Variants in SPTBN2 observed in about 807,000 individuals in gnomAD.
The protein encoded by SPTBN2 is spectrin beta chain, non-erythrocytic 2.
In SPTBN2, 107 loss-of-function variants were observed where a neutral mutation model predicts 284.2. The ratio of observed to expected loss-of-function variants is 0.38; its 90% confidence interval spans 0.32 to 0.44. SPTBN2 has a LOEUF of 0.44. Ranked by LOEUF, SPTBN2 falls within the 20% of genes least tolerant of loss-of-function variation. The pLI is 1.00. For missense variants in SPTBN2, 2,569 were observed against 3,287.1 expected (o/e 0.78, Z 5.34); for synonymous variants, 1,289 against 1,354.8 (o/e 0.95, Z 1.07).
At chr11:66,692,848 C>T in intron 25 of SPTBN2, 108 bp from the exon 26 acceptor site, 9 of 1,595,492 alleles carry the variant, frequency 5.6e-6, no homozygotes, top group Non-Finnish European at 7.6e-6. Context: ...CTCGCCCACC[C>T]TGTGTTCCAG....
At position 66,728,608 on chromosome 11, in the gene SPTBN2, C is replaced by G. The variant is rs183348339; in HGVS notation, c.-114+133G>C. On this transcript the variant is annotated intron_variant, in intron 1 of 37. Transcript: ENST00000533211. The stretch of plus-strand genomic sequence containing the variant: ...CCTCGGGGCGAACGCGGCAGCAGCT[C>G]CGAGGCCGGCTGCCGACCCCCAGCC... 5.9e-5 allele frequency: 9 copies of G among 152,012 alleles called. No homozygotes were observed. In the East Asian group the frequency reaches 1.8e-3, roughly 30 times the overall value. The allele number at this position is 152,012 out of a possible 1,614,324, so 9.4% of individuals were successfully genotyped here. A position where few individuals can be genotyped will look rare whatever the true frequency, so the allele number is the denominator to read the frequency against.
chr11:66,741,915 G>C (rs1196872566), intron 1 of SPTBN2, among the ~76,000 whole-genome samples: 1 of 152,042 alleles, frequency 6.6e-6, no homozygotes. Context: ...TCCAACTCGA[G>C]GGGCTCGAGA....
intron 3 of SPTBN2, among the ~76,000 whole-genome samples, chr11:66,720,668 A>G (rs1186418623): frequency 6.6e-6 from 1 of 152,170 alleles, no homozygotes; most frequent in Non-Finnish European, 1.5e-5. Context: ...GCAGAGGGGA[A>G]TAATAGACTG....
chr11:66,728,955 A>G lies in SPTBN2; in HGVS notation c.-328T>C, dbSNP rs1042614389. The G allele has an allele frequency of 1.3e-5, 2 of 152,508 alleles. No homozygotes were observed. Among genetic ancestry groups the G allele is most frequent in the African/African-American group, 4.8e-5 (2 of 41,410 alleles). The allele number at this position is 152,508 out of a possible 1,614,324, so 9.4% of individuals were successfully genotyped here. On this transcript the variant is annotated 5_prime_UTR_variant, in exon 1 of 38. Coordinates refer to ENST00000533211, the MANE Select transcript of SPTBN2 (RefSeq NM_006946.4). ...AGCTGGGCCGGCTCTCCCTCCCAGA[A>G]CATCTCCATGGCACAGTGAAGATTC...
At position 66,737,942 on chromosome 11, in the gene SPTBN2, C is replaced by T. The variant is rs550873485; in HGVS notation, c.-475+6600G>A. ...GATTTCTTCTAATTTAGGCCGGGTA[C>T]GGTGGCTCACGCCTGTAATCCCAGC... is the stretch of plus-strand genomic sequence containing the variant. On this transcript the variant is annotated intron_variant, in intron 1 of 37. Coordinates refer to the SPTBN2 transcript ENST00000611817. 1.2e-4 allele frequency among the ~76,000 whole-genome samples: 18 copies of T among 152,196 alleles called. No individual in the cohort carries two copies. The South Asian group carries it at 3.5e-3, about 30-fold the overall frequency.
chr11:66,736,708 G>A (rs1942852863), intron 1 of SPTBN2, among the ~76,000 whole-genome samples: 1 of 152,170 alleles, frequency 6.6e-6, no homozygotes, highest in African/African-American at 2.4e-5. Flanking sequence ...GAAGGCTTCG[G>A]GGTTCCTCAG....
At position 66,685,980 on chromosome 11, in the gene SPTBN2, A is replaced by C; in HGVS notation, c.7064T>G (p.Met2355Arg). 1 of 1,613,868 alleles carries C rather than the reference A, an allele frequency of 6.2e-7. No homozygotes were observed. The highest frequency in any genetic ancestry group is 8.5e-7 in the Non-Finnish European group (1 of 1,180,000). ...TTRGMTRAMT[M>R]PPVSPVGAEG... ...AGCCCCGACGGGTGACACTGGGGGC[A>C]TGGTCATGGCCCGGGTCATGCCCCG... is the stretch of plus-strand genomic sequence containing the variant. Residue 2355 changes from methionine to arginine, a missense_variant, in exon 38 of 38, where the codon ATG becomes AGG. By Grantham distance (91) the Met-to-Arg change is moderately conservative. Around this residue, in one of 6 missense-constraint regions of SPTBN2, gnomAD observed 1,130 missense variants for 1,317.3 expected, o/e 0.86. Coordinates refer to ENST00000533211, the MANE Select transcript of SPTBN2 (RefSeq NM_006946.4). This position sits in a 1 kb window ranked among gnomAD's most constrained non-coding sequence, Gnocchi z 4.4.
chr11:66,719,328 C>A (rs1279901867), intron 3 of SPTBN2, among the ~76,000 whole-genome samples: 1 of 152,264 alleles, frequency 6.6e-6, no homozygotes, highest in African/African-American at 2.4e-5. Context: ...GCCATCCCTG[C>A]CCCCAGACGC....
chr11:66,701,044 T>C lies in SPTBN2; in HGVS notation c.3055A>G (p.Thr1019Ala). The change falls in exon 17 of 38, where the codon ACT becomes GCT. Residue 1019 changes from threonine to alanine, a missense_variant. Transcript: ENST00000533211. ...GCAGCCAGGGCATTTGCCTCTCGAG[T>C]CAGTTCGCCCACCCGGGCGGCGATG... is the stretch of plus-strand genomic sequence containing the variant. ...EAIAARVGEL[T>A]REANALAAGH... The C allele has an allele frequency of 6.2e-7, 1 of 1,609,422 alleles. No homozygotes were observed. Among genetic ancestry groups the C allele is most frequent in the South Asian group, 1.1e-5 (1 of 91,058 alleles).
rs765956006 is a variant in SPTBN2, at chr11:66,711,047, T to C, written c.773-18A>G. On this transcript the variant is annotated intron_variant, in intron 8 of 37. Coordinates refer to ENST00000533211, the MANE Select transcript of SPTBN2 (RefSeq NM_006946.4). ...ATTCACGTCTGCAAGAGAGGACCAT[T>C]TGGGTCAGGCCTCCCAGAAGTTCAT... The C allele has an allele frequency of 1.4e-5, 23 of 1,607,696 alleles. No homozygotes were observed. Among genetic ancestry groups the C allele is most frequent in the Non-Finnish European group, 2.0e-5 (23 of 1,174,328 alleles).
Position 66,696,496 on chromosome 11 carries a change from C to G in SPTBN2, c.4059G>C (p.Leu1353=). Residue 1353 remains leucine, a synonymous_variant, in exon 21 of 38, where the codon CTG becomes CTC. Transcript: ENST00000533211. ...LTLEKPELKA[L]VSEKLRDLHR... ...GCAGGTCTCTCAGCTTCTCCGACAC[C>G]AGGGCTTTCAGCTCTGGCTTCTCAA... 1.9e-6 allele frequency: 3 copies of G among 1,612,206 alleles called. No individual in the cohort carries two copies. Among genetic ancestry groups the G allele is most frequent in the Middle Eastern group, 3.3e-4 (2 of 6,062 alleles).
chr11:66,725,551 TGAG>T (rs1407789818), intron 1 of SPTBN2, among the ~76,000 whole-genome samples: 1,647 of 152,350 alleles, frequency 0.011, 36 homozygotes, highest in African/African-American at 0.037. Context: ...CCCCCTGTCA[TGAG>T]GAAGCTGGAG....
In SPTBN2 at chr11:66,687,637, G is replaced by C; in HGVS notation, c.6512C>G (p.Ser2171Ter). The C allele has an allele frequency of 6.3e-7, 1 of 1,596,698 alleles. No individual in the cohort carries two copies. The highest frequency in any genetic ancestry group is 8.5e-7 in the Non-Finnish European group (1 of 1,171,580). The change falls in exon 35 of 38, where the codon TCA (serine) becomes TGA (stop). Residue 2171 changes from serine (S) to a stop codon, truncating the protein, a stop_gained. Coordinates refer to ENST00000533211, the MANE Select transcript of SPTBN2 (RefSeq NM_006946.4). LOFTEE classifies it high-confidence loss of function. This position sits in a 1 kb window ranked among gnomAD's most constrained non-coding sequence, Gnocchi z 5.2. ...CCGGGGCCCATTGGCTTCGTCCCCT[G>C]AGCCAGGTCCCTGGGGGGGAATCAG... ...SSFPEGPGPG[S>*]GDEANGPRGE...
chr11:66,705,498 C>T, intron 14 of SPTBN2, 30 bp from the exon 15 acceptor site: 1 of 1,612,570 alleles, frequency 6.2e-7, no homozygotes, highest in South Asian at 1.1e-5. Context: ...GGGTCAGAGC[C>T]TTAACCCAGC....
chr11:66,725,238 C>T (rs531360572), intron 1 of SPTBN2, among the ~76,000 whole-genome samples: 10 of 152,328 alleles, frequency 6.6e-5, no homozygotes, highest in African/African-American at 2.2e-4. Flanking sequence ...CACAGCCTTC[C>T]ATGTGAATGG....
chr11:66,712,117 C>T (rs1235641788), intron 8 of SPTBN2, among the ~76,000 whole-genome samples: 5 of 152,208 alleles, frequency 3.3e-5, no homozygotes, highest in Non-Finnish European at 5.9e-5. Flanking sequence ...CTCCATCTGC[C>T]GGAGGACCTG....
chr11:66,722,680 G>A (rs1317445882), intron 1 of SPTBN2, among the ~76,000 whole-genome samples: 1 of 151,708 alleles, frequency 6.6e-6, no homozygotes, highest in African/African-American at 2.4e-5. Flanking sequence ...GCTCACCTGA[G>A]GTCAGGAGTT....
chr11:66,711,071 A>G, intron 8 of SPTBN2, 42 bp from the exon 9 acceptor site: 1 of 1,546,972 alleles, frequency 6.5e-7, no homozygotes, highest in East Asian at 2.2e-5. Context: ...CCAGAAGTTC[A>G]TCCATAACTT....
chr11:66,698,597 T>C (rs576985274), intron 20 of SPTBN2, 42 bp downstream of exon 20: 3 of 1,613,486 alleles, frequency 1.9e-6, no homozygotes, highest in Middle Eastern at 1.7e-4. Context: ...CCCCGTACCA[T>C]GGGGGACTCT....
Sources: allele counts gnomAD v4.1 joint callset (sites outside exome capture counted in the v4.1 genomes callset), GRCh38; gene constraint gnomAD v4.1.1; regional missense constraint gnomAD v4.1.1; non-coding constraint Gnocchi (gnomAD v3.1); transcripts MANE v1.5; gene names NCBI Gene and HGNC (gene_info 2026-07-23, HGNC 2026-07-21).